Variants in CSMD1 observed in about 807,000 individuals in gnomAD.
CSMD1 encodes CUB and Sushi multiple domains 1.
Under a neutral mutation model 417.5 loss-of-function variants are expected in CSMD1, and 213 were observed. That is an observed-to-expected ratio of 0.51 (90% CI 0.46 to 0.57). The LOEUF is 0.57. Among genes scored for constraint, CSMD1 ranks in the 20% least tolerant of loss-of-function variants. The pLI, the probability that CSMD1 is intolerant of heterozygous loss-of-function variation, is 0.00. For synonymous variants in CSMD1, 2,862 were observed against 1,736.8 expected (o/e 1.65, Z -16.11); for missense variants, 6,923 against 4,529.7 (o/e 1.53, Z -15.17).
Position 4,031,901 on chromosome 8 carries a change from G to C in CSMD1, c.610+4C>G, listed in dbSNP as rs956256720. ...TGCTCACCAGCCCCCTTGTAGCACT[G>C]TACCTCTGCAAAAGGGAGCTGGGAA... On this transcript the variant is annotated splice_donor_region_variant and intron_variant, in intron 4 of 69. Transcript: ENST00000635120. 2 of 1,611,652 alleles carry C rather than the reference G, an allele frequency of 1.2e-6. No individual in the cohort carries two copies. Among genetic ancestry groups the C allele is most frequent in the African/African-American group, 2.7e-5 (2 of 74,832 alleles).
At chr8:4,356,314 A>T (rs903640551) in intron 3 of CSMD1, among the ~76,000 whole-genome samples, 1 of 137,712 alleles carries the variant, frequency 7.3e-6, no homozygotes, top group Non-Finnish European at 1.6e-5. Context: ...GCTAAGTAGT[A>T]TTCATCATAT....
chr8:3,994,480 G>C (rs1439742724), intron 5 of CSMD1, among the ~76,000 whole-genome samples: 2 of 145,638 alleles, frequency 1.4e-5, no homozygotes, highest in Non-Finnish European at 3.0e-5. Context: ...CACTTGGCTA[G>C]TCTCACCACT....
chr8:4,326,628 T>C (rs916917236), intron 3 of CSMD1, among the ~76,000 whole-genome samples: 11 of 152,038 alleles, frequency 7.2e-5, no homozygotes, highest in South Asian at 2.1e-4. Context: ...CCTCAGAACA[T>C]ATAGGATAAA....
chr8:4,056,191 C>T (rs1454253591), intron 3 of CSMD1, among the ~76,000 whole-genome samples: 2 of 146,452 alleles, frequency 1.4e-5, no homozygotes, highest in Non-Finnish European at 3.0e-5. Context: ...GAGCAATTCT[C>T]TTGCCTCAGC....
intron 2 of CSMD1, among the ~76,000 whole-genome samples, chr8:4,632,010 G>A (rs908451838): frequency 1.3e-5 from 2 of 152,148 alleles, no homozygotes; most frequent in East Asian, 3.9e-4. Flanking sequence ...TTTTATCACA[G>A]TTGGAAATAG....
At chr8:4,638,558 G>T (rs1051863071) in intron 1 of CSMD1, among the ~76,000 whole-genome samples, 10 of 152,214 alleles carry the variant, frequency 6.6e-5, no homozygotes, top group African/African-American at 2.4e-4. Flanking sequence ...GCAGGACTTA[G>T]GAGGTGGAGC....
chr8:4,000,466 C>A (rs757456475), intron 4 of CSMD1, among the ~76,000 whole-genome samples: 30 of 152,224 alleles, frequency 2.0e-4, no homozygotes, highest in Non-Finnish European at 4.0e-4. Context: ...AGGAAAAATA[C>A]AGTGGCTACT....
At position 4,737,670 on chromosome 8, in the gene CSMD1, G is replaced by C. The variant is rs915530845; in HGVS notation, c.86-100112C>G. Among the ~76,000 whole-genome samples the C allele has an allele frequency of 4.6e-5, 7 of 152,118 alleles. No homozygotes were observed. In the South Asian group the frequency reaches 1.0e-3, roughly 23 times the overall value. Reference sequence around the variant, plus strand: ...AGATAAAAGAAAAAGAGACAGGTTGGATGAATGCAAGGAATAAATCATTTA... The same window carrying C: ...AGATAAAAGAAAAAGAGACAGGTTGCATGAATGCAAGGAATAAATCATTTA... On this transcript the variant is annotated intron_variant, in intron 1 of 69. Coordinates refer to ENST00000635120, the MANE Select transcript of CSMD1 (RefSeq NM_033225.6).
chr8:3,814,359 T>C (rs1378892120), intron 5 of CSMD1, among the ~76,000 whole-genome samples: 1 of 152,064 alleles, frequency 6.6e-6, no homozygotes, highest in African/African-American at 2.4e-5. Flanking sequence ...TCTTTGACTC[T>C]AGATGGCTTT....
At chr8:3,851,398 G>A (rs1803895969) in intron 5 of CSMD1, among the ~76,000 whole-genome samples, 2 of 152,136 alleles carry the variant, frequency 1.3e-5, no homozygotes, top group African/African-American at 4.8e-5. Context: ...CTTTTGGCAT[G>A]GACATATGTA....
chr8:3,113,938 C>A (rs1036556410), intron 42 of CSMD1, among the ~76,000 whole-genome samples: 1 of 152,146 alleles, frequency 6.6e-6, no homozygotes, highest in African/African-American at 2.4e-5. Flanking sequence ...TTAAAACAGG[C>A]TGGCTGTTAT....
chr8:4,625,221 C>T (rs919182970), intron 2 of CSMD1, among the ~76,000 whole-genome samples: 2 of 151,996 alleles, frequency 1.3e-5, no homozygotes, highest in Admixed American at 6.6e-5. Context: ...CACGTTCTCA[C>T]CTTCCACTGT....
chr8:3,405,342 C>G (rs930665291), intron 15 of CSMD1, among the ~76,000 whole-genome samples: 1 of 152,122 alleles, frequency 6.6e-6, no homozygotes, highest in Admixed American at 6.5e-5. Flanking sequence ...TTATTAGAGG[C>G]AACATCTTTT....
chr8:3,315,462 G>A (rs113228409), intron 23 of CSMD1, among the ~76,000 whole-genome samples: 1 of 151,496 alleles, frequency 6.6e-6, no homozygotes, highest in African/African-American at 2.4e-5. Context: ...GTGTGTGTGT[G>A]ATTTTTAAAC....
chr8:4,173,757 A>G (rs1002853222), intron 3 of CSMD1, among the ~76,000 whole-genome samples: 5 of 152,238 alleles, frequency 3.3e-5, no homozygotes, highest in South Asian at 2.1e-4. Flanking sequence ...CTTATTTTCA[A>G]TATTAAAAGT....
intron 36 of CSMD1, among the ~76,000 whole-genome samples, chr8:3,182,623 T>C (rs2129048090): frequency 1.8e-5 from 1 of 55,954 alleles, no homozygotes; most frequent in African/African-American, 4.6e-5. Context: ...TGTGTGTGTG[T>C]GTGTGTGTGT....
intron 50 of CSMD1, among the ~76,000 whole-genome samples, chr8:3,052,165 T>C (rs2128989364): frequency 6.6e-6 from 1 of 152,316 alleles, no homozygotes; most frequent in East Asian, 1.9e-4. Context: ...TTCCTCTAGA[T>C]TTCATCCCTC....
At chr8:3,731,800 C>T (rs1030397012) in intron 6 of CSMD1, among the ~76,000 whole-genome samples, 6 of 152,120 alleles carry the variant, frequency 3.9e-5, no homozygotes, top group Non-Finnish European at 7.4e-5. Context: ...ATGTTTTGGA[C>T]ATGTGATGTT....
At chr8:4,323,064 TAG>T (rs1278384420) in intron 3 of CSMD1, among the ~76,000 whole-genome samples, 1 of 151,676 alleles carries the variant, frequency 6.6e-6, no homozygotes, top group African/African-American at 2.4e-5. Context: ...AGCCTACAAA[TAG>T]AGAGTTAAGC....
Sources: allele counts gnomAD v4.1 joint callset (sites outside exome capture counted in the v4.1 genomes callset), GRCh38; gene constraint gnomAD v4.1.1; transcripts MANE v1.5; gene names NCBI Gene and HGNC (gene_info 2026-07-23, HGNC 2026-07-21).